The following MROH9 variants were observed in gnomAD, a reference collection of about 807,000 sequenced individuals.
MROH9 encodes maestro heat-like repeat-containing protein family member 9.
MROH9 carries 92 observed loss-of-function variants against 98.2 expected under a neutral mutation model. The ratio of observed to expected loss-of-function variants is 0.94; its 90% CI spans 0.79 to 1.11. The LOEUF is 1.11. MROH9 is among the 50% of genes most tolerant of loss of function. The pLI is 0.00. For missense variants in MROH9, 1,057 were observed against 1,014.8 expected (o/e 1.04, Z -0.57); for synonymous variants, 397 against 368.9 (o/e 1.08, Z -0.87).
At chr1:170,964,262 A>G (rs572184474) in intron 6 of MROH9, among the ~76,000 whole-genome samples, 11 of 152,184 alleles carry the variant, frequency 7.2e-5, no homozygotes, top group Admixed American at 5.2e-4. Flanking sequence ...GAAGCCTGTT[A>G]CTTAACCACT....
At chr1:170,942,713 T>C (rs574916451) in intron 1 of MROH9, among the ~76,000 whole-genome samples, 2 of 152,234 alleles carry the variant, frequency 1.3e-5, no homozygotes, top group Admixed American at 6.5e-5. Flanking sequence ...ATACTTTTCC[T>C]GGGTGATAAG....
chr1:171,007,118 G>A (rs1282274513), intron 15 of MROH9, among the ~76,000 whole-genome samples: 2 of 152,186 alleles, frequency 1.3e-5, no homozygotes, highest in African/African-American at 2.4e-5. Flanking sequence ...GCTTTGGCAG[G>A]TAAACACCTT....
At chr1:170,972,775 G>C (rs1045358019) in intron 8 of MROH9, among the ~76,000 whole-genome samples, 2 of 146,532 alleles carry the variant, frequency 1.4e-5, no homozygotes, top group Non-Finnish European at 3.0e-5. Context: ...TCATGCCACT[G>C]CACTCCAGCG....
chr1:171,060,889 T>C (rs1405300745), intron 20 of MROH9, among the ~76,000 whole-genome samples: 1 of 152,116 alleles, frequency 6.6e-6, no homozygotes, highest in Non-Finnish European at 1.5e-5. Context: ...TCAACTACAT[T>C]GAAATTAGGG....
Position 171,025,361 on chromosome 1 carries a change from C to A in MROH9, c.2222C>A (p.Thr741Asn). 1 of 1,550,262 alleles carries A rather than the reference C, an allele frequency of 6.5e-7. No homozygotes were observed. Among genetic ancestry groups the A allele is most frequent in the Non-Finnish European group, 8.7e-7 (1 of 1,145,916 alleles). Residue 741 changes from threonine to asparagine, a missense_variant, in exon 20 of 22, where the codon ACC becomes AAC. Thr to Asn is a moderately conservative substitution (Grantham distance 65). Coordinates refer to ENST00000367759, the MANE Select transcript of MROH9 (RefSeq NM_001163629.2). ...RNYITDLTSD[T>N]LRFLWSPRTY... ...TACATTACAGATTTGACATCTGATA[C>A]CTTACGATTCCTGTGGAGCCCCAGA...
At chr1:170,981,736 GAAGA>G (rs780228325) in intron 8 of MROH9, among the ~76,000 whole-genome samples, 9 of 121,128 alleles carry the variant, frequency 7.4e-5, no homozygotes, top group Non-Finnish European at 1.4e-4. Context: ...TTTTTTTTTA[GAAGA>G]AATAAAAAAA....
intron 3 of MROH9, among the ~76,000 whole-genome samples, chr1:170,952,865 AG>A (rs1336395378): frequency 6.6e-6 from 1 of 152,110 alleles, no homozygotes. Flanking sequence ...CAACAGAGGT[AG>A]GCAATGCCAA....
At chr1:170,954,236 T>C (rs1240569285) in intron 3 of MROH9, among the ~76,000 whole-genome samples, 3 of 152,164 alleles carry the variant, frequency 2.0e-5, no homozygotes, top group East Asian at 1.9e-4. Flanking sequence ...TACTACACTA[T>C]TGATTGGATA....
At chr1:170,953,636 A>G (rs1649640433) in intron 3 of MROH9, among the ~76,000 whole-genome samples, 1 of 152,022 alleles carries the variant, frequency 6.6e-6, no homozygotes, top group Admixed American at 6.6e-5. Context: ...GATGTTCTTC[A>G]TGAAGTGAAT....
intron 18 of MROH9, 21 bp from the exon 19 acceptor site, chr1:171,024,628 C>T (rs371137715): frequency 4.2e-5 from 65 of 1,538,094 alleles, no homozygotes; most frequent in African/African-American, 2.3e-4. Flanking sequence ...AGATCTTCAC[C>T]GGCCTTTTTC....
chr1:170,996,435 G>T, intron 13 of MROH9, 72 bp from the exon 14 acceptor site: 1 of 1,534,990 alleles, frequency 6.5e-7, no homozygotes, highest in Non-Finnish European at 8.9e-7. Flanking sequence ...GGGATTAAAA[G>T]GCAGGTAATG....
At chr1:170,939,808 C>A (rs1649050470) in intron 1 of MROH9, among the ~76,000 whole-genome samples, 1 of 152,150 alleles carries the variant, frequency 6.6e-6, no homozygotes. Context: ...GGCCTAGTAG[C>A]ATGTCAAGGG....
At chr1:170,994,480 G>A (rs1167326358) in intron 12 of MROH9, among the ~76,000 whole-genome samples, 1 of 151,918 alleles carries the variant, frequency 6.6e-6, no homozygotes, top group Non-Finnish European at 1.5e-5. Flanking sequence ...TTCTATTTTT[G>A]TGGGTACAGA....
In MROH9 at chr1:170,963,923, C is replaced by T. The variant is rs145661516; in HGVS notation, c.376-1228C>T. Among the ~76,000 whole-genome samples, 693 of 152,146 alleles carry T rather than the reference C, an allele frequency of 4.6e-3. 4 individuals carry two copies. Among genetic ancestry groups the T allele is most frequent in the South Asian group, 0.011 (54 of 4,818 alleles). On this transcript the variant is annotated intron_variant, in intron 6 of 21. Transcript: ENST00000367759. ...ACAAGTTTATCTATATAAAAACCTG[C>T]ACATGTACCTCTGAACTTAAAATAA...
At chr1:171,049,573 G>GCTCCACCC (rs1557913756) in intron 20 of MROH9, among the ~76,000 whole-genome samples, 1 of 151,884 alleles carries the variant, frequency 6.6e-6, no homozygotes, top group East Asian at 1.9e-4. Flanking sequence ...CCATCACCTT[G>GCTCCACCC]CTCCACCCCC....
At chr1:171,002,285 CTTT>C (rs201362596) in intron 15 of MROH9, among the ~76,000 whole-genome samples, 3,508 of 152,094 alleles carry the variant, frequency 0.023, 89 homozygotes, top group East Asian at 0.062. Context: ...TCATCATGCT[CTTT>C]TTTGCCTGTG....
intron 8 of MROH9, among the ~76,000 whole-genome samples, chr1:170,976,611 G>A (rs1650702411): frequency 6.6e-6 from 1 of 152,118 alleles, no homozygotes; most frequent in Non-Finnish European, 1.5e-5. Flanking sequence ...GCTGGGCATG[G>A]TGGTGTGTGC....
intron 20 of MROH9, among the ~76,000 whole-genome samples, chr1:171,031,108 C>G (rs1389359462): frequency 6.6e-6 from 1 of 152,082 alleles, no homozygotes; most frequent in Non-Finnish European, 1.5e-5. Flanking sequence ...ATTGCAACCC[C>G]TGCGGTTTTT....
chr1:170,967,049 C>T (rs2101898824), intron 7 of MROH9, among the ~76,000 whole-genome samples: 1 of 152,248 alleles, frequency 6.6e-6, no homozygotes, highest in Admixed American at 6.5e-5. Context: ...CACTTCTTTC[C>T]ATTACTGTAG....
Sources: gnomAD v4.1 joint callset for allele counts (sites outside exome capture counted in the v4.1 genomes callset) on GRCh38, gnomAD v4.1.1 for gene constraint, MANE v1.5 for transcripts, NCBI Gene and HGNC (gene_info 2026-07-23, HGNC 2026-07-21) for gene names.